Variants in THSD7A observed in about 807,000 individuals in gnomAD.
THSD7A encodes thrombospondin type 1 domain containing 7A, also known as thrombospondin type-1 domain-containing protein 7A.
A neutral mutation model predicts 231.3 loss-of-function variants in THSD7A; 96 were observed. The observed-to-expected ratio is 0.41, with a 90% CI of 0.35 to 0.49. THSD7A has a LOEUF of 0.49. Among genes scored for constraint, THSD7A ranks in the 20% least tolerant of loss-of-function variants. The pLI is 0.05. For synonymous variants in THSD7A, 940 were observed against 743.3 expected, an observed-to-expected ratio of 1.26 and a Z score of -4.30; for missense variants, 2,290 against 2,070.2, an observed-to-expected ratio of 1.11 and a Z score of -2.06.
chr7:11,740,962 C>A (rs1782093682), intron 1 of THSD7A, among the ~76,000 whole-genome samples: 1 of 151,868 alleles, frequency 6.6e-6, no homozygotes, highest in Admixed American at 6.6e-5. Flanking sequence ...GAAAAATACA[C>A]CTCGGTAGAA....
intron 1 of THSD7A, among the ~76,000 whole-genome samples, chr7:11,709,507 T>C (rs1780881123): frequency 6.6e-6 from 1 of 150,820 alleles, no homozygotes; most frequent in African/African-American, 2.4e-5. Context: ...CCATAACTCA[T>C]GGAGATAATG....
chr7:11,503,169 C>T lies in THSD7A; in HGVS notation c.1823-21187G>A, dbSNP rs538374441. 7.9e-5 allele frequency among the ~76,000 whole-genome samples: 12 copies of T among 152,258 alleles called. 1 individual carries two copies. In the South Asian group the frequency reaches 2.5e-3, roughly 32 times the overall value. Reference sequence around the variant, plus strand: ...CAGAAATAAGGTTGCACATCTACGACCATCTGATCTTTGACAAGGCTGACA... The same window carrying T: ...CAGAAATAAGGTTGCACATCTACGATCATCTGATCTTTGACAAGGCTGACA... On this transcript the variant is annotated intron_variant, in intron 6 of 27. Coordinates refer to ENST00000423059, the MANE Select transcript of THSD7A (RefSeq NM_015204.3).
chr7:11,496,886 C>T (rs1297120004), intron 6 of THSD7A, among the ~76,000 whole-genome samples: 2 of 152,076 alleles, frequency 1.3e-5, no homozygotes, highest in Non-Finnish European at 2.9e-5. Context: ...GACACTGAGG[C>T]TAAAAAGTTG....
At position 11,476,817 on chromosome 7, in the gene THSD7A, A is replaced by G. The variant is rs1380357298; in HGVS notation, c.2018-2249T>C. On this transcript the variant is annotated intron_variant, in intron 7 of 27. Transcript: ENST00000423059. Reference sequence around the variant, plus strand: ...TCAACAGAGAGAGACTCCGTCTCAGAGAAAAAAAAAAAAAAAAAGATAGTG... The same window carrying G: ...TCAACAGAGAGAGACTCCGTCTCAGGGAAAAAAAAAAAAAAAAAGATAGTG... Among the ~76,000 whole-genome samples the G allele has an allele frequency of 3.1e-5, 4 of 130,556 alleles. No individual in the cohort carries two copies. The East Asian group carries it at 8.3e-4, about 27-fold the overall frequency. The allele number at this position is 130,556 out of a possible 152,430, so 85.6% of individuals were successfully genotyped here.
At chr7:11,593,554 T>C (rs1780249287) in intron 2 of THSD7A, 52 bp from the exon 3 acceptor site, 1 of 1,587,890 alleles carries the variant, frequency 6.3e-7, no homozygotes. Flanking sequence ...AGTTATGAAC[T>C]TTGTCTTCTA....
chr7:11,658,438 T>A (rs967979170), intron 1 of THSD7A, among the ~76,000 whole-genome samples: 1 of 151,266 alleles, frequency 6.6e-6, no homozygotes, highest in Non-Finnish European at 1.5e-5. Flanking sequence ...CAGATAGGCC[T>A]TTTTTTTCAC....
intron 1 of THSD7A, among the ~76,000 whole-genome samples, chr7:11,788,085 T>C (rs577047437): frequency 7.2e-5 from 11 of 152,082 alleles, no homozygotes; most frequent in Middle Eastern, 3.2e-3. Flanking sequence ...TTCCTCTTAA[T>C]GACACCACCA....
At chr7:11,769,632 CA>C (rs1001996778) in intron 1 of THSD7A, among the ~76,000 whole-genome samples, 1 of 152,014 alleles carries the variant, frequency 6.6e-6, no homozygotes, top group Non-Finnish European at 1.5e-5. Context: ...CACTTTTCCC[CA>C]TGTAATTTTG....
chr7:11,511,466 G>T (rs185230026), intron 6 of THSD7A, among the ~76,000 whole-genome samples: 80 of 152,260 alleles, frequency 5.3e-4, no homozygotes, highest in Non-Finnish European at 1.0e-3. Flanking sequence ...AAAACAGCCC[G>T]CATTGCTAAG....
At chr7:11,612,942 T>C (rs772144015) in intron 2 of THSD7A, among the ~76,000 whole-genome samples, 5 of 152,204 alleles carry the variant, frequency 3.3e-5, no homozygotes, top group Non-Finnish European at 7.3e-5. Context: ...TTCACTATCT[T>C]ACCTTTGGGC....
intron 4 of THSD7A, among the ~76,000 whole-genome samples, chr7:11,578,963 T>G (rs1416027788): frequency 1.3e-5 from 2 of 152,144 alleles, no homozygotes; most frequent in African/African-American, 4.8e-5. Context: ...TACAAGAATA[T>G]AGATTACTAC....
intron 1 of THSD7A, among the ~76,000 whole-genome samples, chr7:11,694,621 ACACTGCT>A (rs1174531797): frequency 2.0e-5 from 3 of 151,564 alleles, no homozygotes; most frequent in Non-Finnish European, 4.4e-5. Context: ...ATTGTTCATT[ACACTGCT>A]CACAAGGTTT....
At chr7:11,701,764 A>G (rs1448212417) in intron 1 of THSD7A, among the ~76,000 whole-genome samples, 1 of 151,198 alleles carries the variant, frequency 6.6e-6, no homozygotes, top group South Asian at 2.1e-4. Context: ...CCTAGCTGAC[A>G]TGTTTATATA....
At chr7:11,705,577 A>C (rs1432643308) in intron 1 of THSD7A, among the ~76,000 whole-genome samples, 1 of 150,924 alleles carries the variant, frequency 6.6e-6, no homozygotes, top group Non-Finnish European at 1.5e-5. Context: ...AGGACAGGGG[A>C]GTTCTCAAGT....
chr7:11,412,812 C>G lies in THSD7A; in HGVS notation c.3538-12G>C, dbSNP rs1173852811. 6.2e-7 allele frequency: 1 copy of G among 1,606,726 alleles called. No individual in the cohort carries two copies. The highest frequency in any genetic ancestry group is 8.5e-7 in the Non-Finnish European group (1 of 1,176,036). On this transcript the variant is annotated splice_polypyrimidine_tract_variant and intron_variant, in intron 17 of 27. Coordinates refer to ENST00000423059, the MANE Select transcript of THSD7A (RefSeq NM_015204.3). ...CTTTGATTGCAAGGCTTAAAAAGAA[C>G]AGTACAAATTCTCAGAAAGGTGAAT...
chr7:11,733,411 T>C (rs974223510), intron 1 of THSD7A, among the ~76,000 whole-genome samples: 11 of 151,902 alleles, frequency 7.2e-5, no homozygotes, highest in African/African-American at 2.4e-4. Context: ...AAAATATCTA[T>C]GCATAAGGTG....
At chr7:11,693,764 G>T (rs73677809) in intron 1 of THSD7A, among the ~76,000 whole-genome samples, 4 of 151,596 alleles carry the variant, frequency 2.6e-5, no homozygotes, top group African/African-American at 7.2e-5. Flanking sequence ...ACAGGACCTG[G>T]CATGCAGCAG....
chr7:11,595,285 G>A (rs938348621), intron 2 of THSD7A, among the ~76,000 whole-genome samples: 13 of 152,276 alleles, frequency 8.5e-5, no homozygotes, highest in South Asian at 2.1e-4. Context: ...CTTGAGAACT[G>A]CTTGAATTCT....
intron 2 of THSD7A, among the ~76,000 whole-genome samples, chr7:11,623,669 C>G (rs927863397): frequency 6.6e-6 from 1 of 152,100 alleles, no homozygotes; most frequent in African/African-American, 2.4e-5. Context: ...TCTCACTCAT[C>G]TCTCCCTCTT....
Sources: gnomAD v4.1 joint callset for allele counts (sites outside exome capture counted in the v4.1 genomes callset) on GRCh38, gnomAD v4.1.1 for gene constraint, MANE v1.5 for transcripts, NCBI Gene and HGNC (gene_info 2026-07-23, HGNC 2026-07-21) for gene names.